Variants in LSS observed in about 807,000 individuals in gnomAD.
The protein encoded by LSS is 2,3-epoxysqualene-lanosterol cyclase.
A neutral mutation model predicts 110.3 loss-of-function variants in LSS; 90 were observed. That is an observed-to-expected ratio of 0.82 (90% confidence interval 0.69 to 0.97). LSS has a LOEUF of 0.97. Ranked by LOEUF, LSS falls within the 50% of genes least tolerant of loss-of-function variation. LSS has a pLI of 0.00. For synonymous variants in LSS, 433 were observed against 400.0 expected (o/e 1.08, Z -0.98); for missense variants, 927 against 990.0 (o/e 0.94, Z 0.85).
intron 11 of LSS, 100 bp from the exon 12 acceptor site, chr21:46,210,844 G>T (rs2080120300): frequency 1.8e-6 from 2 of 1,128,686 alleles, no homozygotes; most frequent in Non-Finnish European, 2.6e-6. Context: ...AGGTGTGGGG[G>T]CTCCCACCCA....
In LSS at chr21:46,208,408, G is replaced by C. The variant is rs1267280320; in HGVS notation, c.1267-107C>G. On this transcript the variant is annotated intron_variant, in intron 13 of 21. Coordinates refer to ENST00000397728, the MANE Select transcript of LSS (RefSeq NM_002340.6). ...CTGGGCAGGACTGGAGAGGCAGAAC[G>C]TGCCTGGGAGCTTACTCTGCCGGCC... 4 of 1,004,948 alleles carry C rather than the reference G, an allele frequency of 4.0e-6. No homozygotes were observed. In the Admixed American group the frequency reaches 8.0e-5, roughly 20 times the overall value. 62.3% of individuals were successfully genotyped at this position (1,004,948 alleles called of 1,614,324 possible). A position where few individuals can be genotyped will look rare whatever the true frequency, so the allele number is the denominator to read the frequency against.
At position 46,215,682 on chromosome 21, in the gene LSS, C is replaced by T; in HGVS notation, c.892+3G>A. 6.2e-7 allele frequency: 1 copy of T among 1,602,220 alleles called. No homozygotes were observed. Among genetic ancestry groups the T allele is most frequent in the Non-Finnish European group, 8.5e-7 (1 of 1,172,150 alleles). Reference sequence around the variant, plus strand: ...CCCTGCCGGCCCCTCAGGAGGCGCTCACCATATACCACGCGGAGCAGCCAG... The same window carrying T: ...CCCTGCCGGCCCCTCAGGAGGCGCTTACCATATACCACGCGGAGCAGCCAG... On this transcript the variant is annotated splice_donor_region_variant and intron_variant, in intron 8 of 21. Coordinates refer to ENST00000397728, the MANE Select transcript of LSS (RefSeq NM_002340.6).
Position 46,219,456 on chromosome 21 carries a change from C to T in LSS, c.647+20G>A. 4.5e-6 allele frequency: 7 copies of T among 1,560,024 alleles called. No individual in the cohort carries two copies. Among genetic ancestry groups the T allele is most frequent in the Non-Finnish European group, 6.1e-6 (7 of 1,149,018 alleles). On this transcript the variant is annotated intron_variant, in intron 6 of 21. Coordinates refer to ENST00000397728, the MANE Select transcript of LSS (RefSeq NM_002340.6). ...GGGACAGCAGCAGCGACCCAACAAC[C>T]CAATCAACAGCAGACATACCACATC...
chr21:46,192,610 G>C (rs1454065206), intron 20 of LSS: 1 of 368,990 alleles, frequency 2.7e-6, no homozygotes, highest in African/African-American at 2.3e-5. Flanking sequence ...GTGTGGCACA[G>C]ATGCGATACT....
At chr21:46,210,063 CTTTTTTTT>C (rs71318051) in intron 12 of LSS, among the ~76,000 whole-genome samples, 1 of 107,592 alleles carries the variant, frequency 9.3e-6, no homozygotes, top group African/African-American at 3.7e-5. Flanking sequence ...AGTTCCAGTT[CTTTTTTTT>C]TTTTTTTTTT....
intron 20 of LSS, 72 bp from the exon 21 acceptor site, chr21:46,192,031 C>T (rs879138366): frequency 1.0e-4 from 117 of 1,169,944 alleles, no homozygotes; most frequent in South Asian, 4.2e-4. Context: ...CTCACACAGC[C>T]GAGCATAAGG....
In LSS at chr21:46,189,797, AG is replaced by A; in HGVS notation, c.*1306del. On this transcript the variant is annotated 3_prime_UTR_variant, in exon 22 of 22. Coordinates refer to ENST00000397728, the MANE Select transcript of LSS (RefSeq NM_002340.6). Reference sequence around the variant, plus strand: ...TAGGGTGTGCCCTGGGCAAGGCAGCAGGGGTAACGAAGCTCTCAGTGACTCC... The same window carrying A: ...TAGGGTGTGCCCTGGGCAAGGCAGCAGGGTAACGAAGCTCTCAGTGACTCC... The A allele has an allele frequency of 2.2e-6, 1 of 446,718 alleles. No homozygotes were observed. 27.7% of individuals were successfully genotyped at this position (446,718 alleles called of 1,614,324 possible).
chr21:46,195,539 T>A, intron 19 of LSS, 137 bp downstream of exon 19: 1 of 823,446 alleles, frequency 1.2e-6, no homozygotes, highest in South Asian at 1.5e-5. Context: ...GTCAGCCCGG[T>A]TGACAGAGCG....
At chr21:46,213,972 C>A in intron 9 of LSS, 137 bp from the exon 10 acceptor site, 1 of 667,146 alleles carries the variant, frequency 1.5e-6, no homozygotes. Context: ...CAGGGGCCTT[C>A]TGCTCTAACA....
chr21:46,214,152 G>GTCC lies in LSS; in HGVS notation c.1012-318_1012-317insGGA. On this transcript the variant is annotated intron_variant, in intron 9 of 21. Transcript: ENST00000397728. ...ACCAGAGGGGCATGGGCTACCAGGT[G>GTCC]CCTTAGAGACAACACAGGGGACAGA... Among the ~76,000 whole-genome samples the GTCC allele has an allele frequency of 1.3e-5, 2 of 152,210 alleles. 1 individual carries two copies. The highest frequency in any genetic ancestry group is 4.1e-4 in the South Asian group (2 of 4,830).
intron 3 of LSS, among the ~76,000 whole-genome samples, chr21:46,222,987 T>A (rs1215978553): frequency 6.6e-6 from 1 of 152,102 alleles, no homozygotes; most frequent in Non-Finnish European, 1.5e-5. Flanking sequence ...CACGCCTGGC[T>A]CCCATGACCA....
In LSS at chr21:46,215,245, C is replaced by A. The variant is rs371221726; in HGVS notation, c.946G>T (p.Val316Leu). Residue 316 changes from valine to leucine, a missense_variant, in exon 9 of 22, where the codon GTG becomes TTG. Transcript: ENST00000397728. ...HHSAHLRQRAVQKLYEHIVAD... is the reference protein window; with the variant it reads ...HHSAHLRQRALQKLYEHIVAD... Reference sequence around the variant, plus strand: ...ACAATGTGTTCATACAGCTTCTGCACGGCCCGCTGCCGCAGGTGGGCACTG... The same window carrying A: ...ACAATGTGTTCATACAGCTTCTGCAAGGCCCGCTGCCGCAGGTGGGCACTG... 1.2e-6 allele frequency: 2 copies of A among 1,611,194 alleles called. No individual in the cohort carries two copies. The highest frequency in any genetic ancestry group is 1.7e-5 in the Admixed American group (1 of 60,014).
Position 46,215,664 on chromosome 21 carries a change from G to A in LSS, c.892+21C>T, listed in dbSNP as rs376167481. On this transcript the variant is annotated intron_variant, in intron 8 of 21. Transcript: ENST00000397728. ...GACCCTGACCCTGGGCTGCCCTGCCGGCCCCTCAGGAGGCGCTCACCATAT... is the reference window on the plus strand; with the variant it reads ...GACCCTGACCCTGGGCTGCCCTGCCAGCCCCTCAGGAGGCGCTCACCATAT... 1.9e-4 allele frequency: 289 copies of A among 1,556,128 alleles called. 1 individual carries two copies. The East Asian group carries it at 2.7e-3, about 14-fold the overall frequency.
intron 17 of LSS, among the ~76,000 whole-genome samples, chr21:46,199,547 C>T (rs967633900): frequency 2.0e-5 from 3 of 152,184 alleles, no homozygotes; most frequent in Non-Finnish European, 2.9e-5. Flanking sequence ...TATGTGCACG[C>T]TAACATTGAT....
intron 3 of LSS, among the ~76,000 whole-genome samples, chr21:46,225,874 C>T (rs1417376516): frequency 6.6e-6 from 1 of 152,156 alleles, no homozygotes; most frequent in South Asian, 2.1e-4. Flanking sequence ...GCCTGGCATT[C>T]AGGGCCACTA....
intron 3 of LSS, chr21:46,227,343 A>T: frequency 1.7e-6 from 1 of 585,268 alleles, no homozygotes; most frequent in Non-Finnish European, 3.0e-6. Context: ...TTCTCTTATC[A>T]GAGAGCCTGT....
At position 46,191,173 on chromosome 21, in the gene LSS, G is replaced by T; in HGVS notation, c.2130C>A (p.Ile710=). 6.2e-7 allele frequency: 1 copy of T among 1,614,186 alleles called. No homozygotes were observed. Among genetic ancestry groups the T allele is most frequent in the Non-Finnish European group, 8.5e-7 (1 of 1,180,016 alleles). ...CAISYTSYRN[I]FPIWALGRFS... ...AGCGGCCGAGGGCCCAGATGGGGAA[G>T]ATGTTCCTGTAGCTCGTGTAGGAGA... The change falls in exon 22 of 22, where the codon ATC becomes ATA. Residue 710 remains isoleucine (I), a synonymous_variant. Coordinates refer to ENST00000397728, the MANE Select transcript of LSS (RefSeq NM_002340.6).
At position 46,227,565 on chromosome 21, in the gene LSS, A is replaced by G; in HGVS notation, c.306T>C (p.Leu102=). The change falls in exon 3 of 22, where the codon CTT becomes CTC. Residue 102 remains leucine, a synonymous_variant. Transcript: ENST00000397728. ...GCATACTCCTACCTGGCAGGAGGAA[A>G]AGTGGGCCACCATAATCACCCGTCC... ...GHWTGDYGGP[L]FLLPGLLITC... 6.2e-7 allele frequency: 1 copy of G among 1,613,984 alleles called. No individual in the cohort carries two copies. The highest frequency in any genetic ancestry group is 8.5e-7 in the Non-Finnish European group (1 of 1,179,996).
rs767783275 is a variant in LSS at position 46,209,516 on chromosome 21, CT to C, written c.1266+37del. 4 of 1,565,174 alleles carry C rather than the reference CT, an allele frequency of 2.6e-6. No individual in the cohort carries two copies. The highest frequency in any genetic ancestry group is 3.5e-6 in the Non-Finnish European group (4 of 1,152,710). ...GCAGGAGCTCCCAGCCCTGATCCCC[CT>C]CTTCAGCCCCCTCAGAGCCCCAGGC... On this transcript the variant is annotated intron_variant, in intron 13 of 21. Coordinates refer to ENST00000397728, the MANE Select transcript of LSS (RefSeq NM_002340.6). This position sits in a 1 kb window ranked among gnomAD's most constrained non-coding sequence, Gnocchi z 4.4.
Sources: gnomAD v4.1 joint callset for allele counts (sites outside exome capture counted in the v4.1 genomes callset) on GRCh38, gnomAD v4.1.1 for gene constraint, Gnocchi (gnomAD v3.1) non-coding constraint, MANE v1.5 for transcripts, NCBI Gene and HGNC (gene_info 2026-07-23, HGNC 2026-07-21) for gene names.